Variants in CTIF observed in about 807,000 individuals in gnomAD.
The protein encoded by CTIF is CBP80/20-dependent translation initiation factor.
CTIF carries 21 observed loss-of-function variants against 66.0 expected under a neutral mutation model. That is an observed-to-expected ratio of 0.32 (90% CI 0.23 to 0.46). The LOEUF is 0.46. Among genes scored for constraint, CTIF ranks in the 20% least tolerant of loss-of-function variants. The probability of loss-of-function intolerance (pLI) is 1.00; values close to 1 mark genes in which losing one functional copy is unlikely to be tolerated. For missense variants in CTIF, 739 were observed against 812.7 expected (o/e 0.91, Z 1.10); for synonymous variants, 345 against 326.4 (o/e 1.06, Z -0.62).
chr18:48,846,497 AGATGGATGGATGGATGGATG>A (rs1555705172), intron 10 of CTIF, among the ~76,000 whole-genome samples: 1 of 136,792 alleles, frequency 7.3e-6, no homozygotes, highest in Non-Finnish European at 1.5e-5. Context: ...ATGAAAGGAT[AGATGGATGGATGGATGGATG>A]GATGGATGGA....
chr18:48,553,617 C>G (rs2088942976), intron 1 of CTIF, among the ~76,000 whole-genome samples: 1 of 151,916 alleles, frequency 6.6e-6, no homozygotes, highest in South Asian at 2.1e-4. Flanking sequence ...GATTTTAGAA[C>G]TGGAAAAGAG....
chr18:48,781,714 A>G (rs1211157172), intron 9 of CTIF, among the ~76,000 whole-genome samples: 1 of 151,936 alleles, frequency 6.6e-6, no homozygotes, highest in East Asian at 1.9e-4. Context: ...CCCTTGTCAA[A>G]CAGTAGAAAA....
intron 6 of CTIF, among the ~76,000 whole-genome samples, chr18:48,679,513 CT>C (rs2091702677): frequency 1.3e-5 from 2 of 152,122 alleles, no homozygotes; most frequent in Admixed American, 6.5e-5. Context: ...GGACTGTTGG[CT>C]TTCCCCAGCT....
chr18:48,800,833 A>G (rs1417203502), intron 9 of CTIF, among the ~76,000 whole-genome samples: 1 of 152,240 alleles, frequency 6.6e-6, no homozygotes, highest in Admixed American at 6.5e-5. Context: ...CCCATTGTGC[A>G]TATCTTGACA....
intron 9 of CTIF, among the ~76,000 whole-genome samples, chr18:48,776,684 TCGCA>T (rs1417487000): frequency 2.6e-5 from 4 of 152,194 alleles, no homozygotes; most frequent in Non-Finnish European, 4.4e-5. Context: ...TCTGTCTGCC[TCGCA>T]CAGCCCCTCA....
chr18:48,696,254 T>C (rs199873292), intron 6 of CTIF, among the ~76,000 whole-genome samples: 1 of 152,128 alleles, frequency 6.6e-6, no homozygotes, highest in Non-Finnish European at 1.5e-5. Flanking sequence ...TGATCCAGAG[T>C]TTACTTTCAC....
chr18:48,793,959 A>G (rs544884530), intron 9 of CTIF, among the ~76,000 whole-genome samples: 2 of 152,310 alleles, frequency 1.3e-5, no homozygotes, highest in East Asian at 1.9e-4. Flanking sequence ...CAGTGCTGGC[A>G]GTGGGATACT....
At chr18:48,733,229 AG>A (rs200833572) in intron 7 of CTIF, among the ~76,000 whole-genome samples, 43 of 137,556 alleles carry the variant, frequency 3.1e-4, no homozygotes, top group Non-Finnish European at 6.0e-4. Flanking sequence ...GGAGGCGAGG[AG>A]GGGCCGAGAG....
At chr18:48,741,849 C>A (rs2092557819) in intron 7 of CTIF, among the ~76,000 whole-genome samples, 2 of 152,178 alleles carry the variant, frequency 1.3e-5, no homozygotes, top group South Asian at 4.1e-4. Flanking sequence ...CCACACTCAG[C>A]ACAAGAAGGG....
intron 10 of CTIF, among the ~76,000 whole-genome samples, chr18:48,849,191 CTTTTTTTTT>C (rs892473113): frequency 2.0e-5 from 2 of 98,984 alleles, no homozygotes; most frequent in African/African-American, 8.8e-5. Flanking sequence ...CTACCAATGC[CTTTTTTTTT>C]TTTTTTTTTT....
intron 6 of CTIF, 76 bp from the exon 7 acceptor site, chr18:48,711,543 C>A: frequency 8.9e-7 from 1 of 1,126,078 alleles, no homozygotes. Context: ...TGCTGGTGTA[C>A]TTAGTGCAGT....
At chr18:48,760,554 C>G (rs1311774991) in intron 8 of CTIF, 2 of 152,154 alleles carry the variant, frequency 1.3e-5, no homozygotes, top group East Asian at 3.8e-4. Flanking sequence ...GAAGACCAAG[C>G]TTGGATCTCA....
chr18:48,618,676 C>G (rs1598747661), intron 1 of CTIF, among the ~76,000 whole-genome samples: 2 of 152,174 alleles, frequency 1.3e-5, no homozygotes, highest in South Asian at 4.1e-4. Context: ...GAGGTCCCAG[C>G]AGACCTGGGC....
chr18:48,821,896 T>C (rs148005223), intron 10 of CTIF, among the ~76,000 whole-genome samples: 1 of 152,380 alleles, frequency 6.6e-6, no homozygotes, highest in East Asian at 1.9e-4. Context: ...TACAGTATTG[T>C]ATCCATAGCC....
At chr18:48,628,493 T>C (rs1242946852) in intron 2 of CTIF, among the ~76,000 whole-genome samples, 1 of 152,164 alleles carries the variant, frequency 6.6e-6, no homozygotes, top group Non-Finnish European at 1.5e-5. Flanking sequence ...GGGAGGAAAC[T>C]GAAGCACAGA....
chr18:48,665,395 A>T (rs149037626), intron 5 of CTIF, among the ~76,000 whole-genome samples: 1 of 152,334 alleles, frequency 6.6e-6, no homozygotes, highest in Admixed American at 6.5e-5. Context: ...AGACCTCAGG[A>T]CGGGAATGTG....
Position 48,666,104 on chromosome 18 carries a change from C to T in CTIF, c.431+1553C>T, listed in dbSNP as rs117829500. Among the ~76,000 whole-genome samples, 1,330 of 152,316 alleles carry T rather than the reference C, an allele frequency of 8.7e-3. 9 individuals are homozygous for T. Among genetic ancestry groups the T allele is most frequent in the Middle Eastern group, 0.037 (11 of 294 alleles). On this transcript the variant is annotated intron_variant, in intron 5 of 11. Coordinates refer to ENST00000256413, the MANE Select transcript of CTIF (RefSeq NM_014772.3). ...AGATTCCAATTTCTCCACATCCCCA[C>T]CAGCACTTGTGTTTTTTTTTCTTTC...
intron 1 of CTIF, among the ~76,000 whole-genome samples, chr18:48,559,976 A>G (rs781168577): frequency 6.6e-6 from 1 of 152,168 alleles, no homozygotes; most frequent in East Asian, 1.9e-4. Context: ...AAATAATTAT[A>G]TATTATGACC....
chr18:48,633,865 C>T (rs911131123), intron 2 of CTIF, among the ~76,000 whole-genome samples: 1 of 152,024 alleles, frequency 6.6e-6, no homozygotes, highest in Admixed American at 6.6e-5. Flanking sequence ...AGGGTGTTCC[C>T]AAACACTTGT....
Sources: gnomAD v4.1 joint callset for allele counts (sites outside exome capture counted in the v4.1 genomes callset) on GRCh38, gnomAD v4.1.1 for gene constraint, MANE v1.5 for transcripts, NCBI Gene and HGNC (gene_info 2026-07-23, HGNC 2026-07-21) for gene names.